The following IP6K1 variants were observed in gnomAD, a reference collection of about 807,000 sequenced individuals.
The protein encoded by IP6K1 is ATP:1D-myo-inositol-hexakisphosphate phosphotransferase.
IP6K1 carries 13 observed loss-of-function variants against 38.3 expected under a neutral mutation model. The observed-to-expected ratio is 0.34, with a 90% confidence interval of 0.22 to 0.54. IP6K1 has a LOEUF of 0.54. Among genes scored for constraint, IP6K1 ranks in the 20% least tolerant of loss-of-function variants. The probability of loss-of-function intolerance (pLI) is 0.92; values close to 1 mark genes in which losing one functional copy is unlikely to be tolerated. For synonymous variants in IP6K1, 212 were observed against 229.9 expected (o/e 0.92, Z 0.70); for missense variants, 397 against 599.8 (o/e 0.66, Z 3.53).
intron 1 of IP6K1, among the ~76,000 whole-genome samples, chr3:49,774,845 G>A (rs1230122764): frequency 2.0e-5 from 3 of 151,550 alleles, no homozygotes; most frequent in African/African-American, 7.3e-5. Flanking sequence ...CAAAATAAAT[G>A]GTTAAGTTCC....
intron 1 of IP6K1, among the ~76,000 whole-genome samples, chr3:49,771,212 A>AAAAAAAC (rs1559714465): frequency 2.4e-5 from 3 of 126,738 alleles, no homozygotes; most frequent in South Asian, 2.6e-4. Flanking sequence ...AAAAAAAAAA[A>AAAAAAAC]CCCTGCCAGG....
At chr3:49,760,920 C>A (rs980312843) in intron 1 of IP6K1, among the ~76,000 whole-genome samples, 2 of 152,180 alleles carry the variant, frequency 1.3e-5, no homozygotes, top group Admixed American at 1.3e-4. Context: ...TTATCTACTT[C>A]TCAGAGTGAG....
intron 5 of IP6K1, 58 bp downstream of exon 5, chr3:49,728,045 G>T: frequency 1.3e-6 from 2 of 1,544,328 alleles, no homozygotes; most frequent in South Asian, 1.2e-5. Flanking sequence ...AGGCAGGTAT[G>T]AGCACAACCC....
chr3:49,735,972 A>T (rs2080607320), intron 3 of IP6K1, among the ~76,000 whole-genome samples: 1 of 152,194 alleles, frequency 6.6e-6, no homozygotes, highest in African/African-American at 2.4e-5. Context: ...GCTGGAGTGC[A>T]ATGGTGTAAT....
At chr3:49,738,478 GCA>G (rs1267313715) in intron 2 of IP6K1, 56 bp from the exon 3 acceptor site, 10 of 1,384,166 alleles carry the variant, frequency 7.2e-6, no homozygotes, top group Non-Finnish European at 9.3e-6. Context: ...AGTCTATGCA[GCA>G]CAGACTGTTG....
intron 1 of IP6K1, among the ~76,000 whole-genome samples, chr3:49,769,388 G>A (rs2080938499): frequency 6.6e-6 from 1 of 152,136 alleles, no homozygotes; most frequent in South Asian, 2.1e-4. Flanking sequence ...CAGTAGTGGG[G>A]TACTGGCATA....
chr3:49,757,617 G>C (rs2080835177), intron 1 of IP6K1, among the ~76,000 whole-genome samples: 1 of 152,128 alleles, frequency 6.6e-6, no homozygotes, highest in African/African-American at 2.4e-5. Context: ...CTACTTGAGG[G>C]GCTGAGACAG....
chr3:49,734,394 CTTTTTT>C (rs71735078), intron 3 of IP6K1, among the ~76,000 whole-genome samples: 3 of 87,278 alleles, frequency 3.4e-5, no homozygotes, highest in Non-Finnish European at 4.4e-5. Context: ...ACCGTAATTT[CTTTTTT>C]TTTTTTTTTT....
rs2080657682 is a variant in IP6K1 at position 49,740,521 on chromosome 3, TCC to T, written c.224-2101_224-2100del. On this transcript the variant is annotated intron_variant, in intron 2 of 5. Transcript: ENST00000321599. ...GCAGTAACTCCCCATTTTCCCTTCC[TCC>T]TAGCCCCAGTAACCAAATCTACTTT... 2.6e-5 allele frequency among the ~76,000 whole-genome samples: 4 copies of T among 152,188 alleles called. No individual in the cohort carries two copies. The East Asian group carries it at 7.7e-4, about 29-fold the overall frequency.
At chr3:49,774,341 G>A (rs1169789241) in intron 1 of IP6K1, among the ~76,000 whole-genome samples, 1 of 145,706 alleles carries the variant, frequency 6.9e-6, no homozygotes, top group African/African-American at 2.5e-5. Flanking sequence ...CCAGGAGGTG[G>A]AGCTTGCAGT....
intron 2 of IP6K1, among the ~76,000 whole-genome samples, chr3:49,745,631 A>T (rs1252563666): frequency 6.6e-6 from 1 of 152,130 alleles, no homozygotes; most frequent in Admixed American, 6.6e-5. Flanking sequence ...AAGGCAGGCA[A>T]ATCACCTAAA....
In IP6K1 at chr3:49,738,287, C is replaced by T. The variant is rs1237260826; in HGVS notation, c.359G>A (p.Arg120Gln). ...GCCACTGCCTGACCGGTGCAGGCTC[C>T]GGCGGGAGTGTTTGCGCCGAGGTTG... is the stretch of plus-strand genomic sequence containing the variant. ...REQPRRKHSR[R>Q]SLHRSGSGSD... The change falls in exon 3 of 6, where the codon CGG becomes CAG. Residue 120 changes from arginine (R) to glutamine (Q), a missense_variant. Physicochemically the swap from Arg to Gln is conservative, Grantham distance 43. This residue lies in a region of IP6K1 where 171 missense variants were observed against 237.0 expected (regional missense o/e 0.72). Coordinates refer to ENST00000321599, the MANE Select transcript of IP6K1 (RefSeq NM_153273.4). The T allele has an allele frequency of 5.6e-6, 9 of 1,614,190 alleles. No homozygotes were observed. The highest frequency in any genetic ancestry group is 4.5e-5 in the East Asian group (2 of 44,890).
At chr3:49,762,230 G>A (rs1407130969) in intron 1 of IP6K1, among the ~76,000 whole-genome samples, 1 of 152,102 alleles carries the variant, frequency 6.6e-6, no homozygotes, top group Non-Finnish European at 1.5e-5. Flanking sequence ...GGGATTACAG[G>A]CAAGAGCCAC....
intron 1 of IP6K1, among the ~76,000 whole-genome samples, chr3:49,774,749 A>G (rs2080991629): frequency 6.6e-6 from 1 of 152,210 alleles, no homozygotes; most frequent in Non-Finnish European, 1.5e-5. Flanking sequence ...GAAACTATAC[A>G]GTCAATTCTC....
At chr3:49,754,590 A>C (rs9872864) in intron 1 of IP6K1, among the ~76,000 whole-genome samples, 1 of 151,944 alleles carries the variant, frequency 6.6e-6, no homozygotes. Context: ...AGGAGAAATC[A>C]TATGAGTTTT....
intron 2 of IP6K1, among the ~76,000 whole-genome samples, chr3:49,741,473 A>G (rs2080668601): frequency 6.6e-6 from 1 of 151,954 alleles, no homozygotes; most frequent in African/African-American, 2.4e-5. Context: ...AAAAATCTCT[A>G]TTCAAGCCCT....
chr3:49,739,054 T>C (rs1002987533), intron 2 of IP6K1, among the ~76,000 whole-genome samples: 6 of 152,192 alleles, frequency 3.9e-5, no homozygotes, highest in African/African-American at 1.2e-4. Flanking sequence ...TTCTGGATCT[T>C]AGTGAGTTAA....
At chr3:49,754,567 T>C (rs950294573) in intron 1 of IP6K1, among the ~76,000 whole-genome samples, 8 of 152,070 alleles carry the variant, frequency 5.3e-5, no homozygotes, top group African/African-American at 1.9e-4. Context: ...AAAGAACTTG[T>C]TGAACCAAAT....
intron 1 of IP6K1, chr3:49,775,620 G>A (rs2081000444): frequency 3.3e-6 from 3 of 911,592 alleles, no homozygotes; most frequent in South Asian, 2.3e-5. Context: ...GGTGATTGGT[G>A]GGTGGCCCCT....
Sources: allele counts gnomAD v4.1 joint callset (sites outside exome capture counted in the v4.1 genomes callset), GRCh38; gene constraint gnomAD v4.1.1; regional missense constraint gnomAD v4.1.1; transcripts MANE v1.5; gene names NCBI Gene and HGNC (gene_info 2026-07-23, HGNC 2026-07-21).